Variants in ITFG2 observed in about 807,000 individuals in gnomAD.
The protein encoded by ITFG2 is KICSTOR complex protein ITFG2.
Under a neutral mutation model 54.4 loss-of-function variants are expected in ITFG2, and 36 were observed. The ratio of observed to expected loss-of-function variants is 0.66; its 90% CI spans 0.51 to 0.87. ITFG2 has a LOEUF of 0.87. ITFG2 is among the 40% of genes least tolerant of loss of function. The pLI, the probability that ITFG2 is intolerant of heterozygous loss-of-function variation, is 0.00. For missense variants in ITFG2, 524 were observed against 576.7 expected (o/e 0.91, Z 0.94); for synonymous variants, 211 against 225.4 (o/e 0.94, Z 0.57).
chr12:2,855,212 G>A lies in ITFG2; in HGVS notation n.301-2800G>A, dbSNP rs548776861. The A allele has an allele frequency of 1.0e-4, 154 of 1,505,572 alleles. 2 individuals carry two copies. The South Asian group carries it at 1.6e-3, about 15-fold the overall frequency. The allele number at this position is 1,505,572 out of a possible 1,614,324, so 93.3% of individuals were successfully genotyped here. A position where few individuals can be genotyped will look rare whatever the true frequency, so the allele number is the denominator to read the frequency against. ...TGGGTGGGGAAGGTGGCAGGCAGAC[G>A]GCACACATCGAGCCACGTGTGAAAG... On this transcript the variant is annotated intron_variant and non_coding_transcript_variant, in intron 2 of 3. Transcript: ENST00000537710.
At chr12:2,844,726 C>T (rs540321834) in intron 2 of ITFG2, among the ~76,000 whole-genome samples, 2 of 152,210 alleles carry the variant, frequency 1.3e-5, no homozygotes, top group Non-Finnish European at 2.9e-5. Context: ...CTTGCCTAAG[C>T]TGTGGGCCTG....
In ITFG2 at chr12:2,820,104, A is replaced by G. The variant is rs778087371; in HGVS notation, c.425A>G (p.Glu142Gly). ...CCCACAGATGGAGATGGGTGTCGTG[A>G]GCTGGTGGTGGGCTACACAGACCGT... is the stretch of plus-strand genomic sequence containing the variant. ...ISDIDGDGCR[E>G]LVVGYTDRVV... is the part of the protein sequence containing the mutation. The change falls in exon 5 of 12, where the codon GAG becomes GGG. Residue 142 changes from glutamate to glycine, a missense_variant. Physicochemically the swap from Glu to Gly is moderately conservative, Grantham distance 98 (BLOSUM62 -2). Coordinates refer to ENST00000228799, the MANE Select transcript of ITFG2 (RefSeq NM_018463.4). 17 of 1,611,428 alleles carry G rather than the reference A, an allele frequency of 1.1e-5. No individual in the cohort carries two copies. In the Admixed American group the frequency reaches 2.9e-4, roughly 27 times the overall value.
intron 2 of ITFG2, chr12:2,849,018 T>C (rs1456764535): frequency 5.1e-6 from 3 of 587,144 alleles, no homozygotes; most frequent in East Asian, 6.1e-5. Flanking sequence ...ATGAGAGTCC[T>C]CCAAGGAAGA....
upstream of ITFG2, among the ~76,000 whole-genome samples, chr12:2,832,223 C>A (rs16929995): frequency 0.18 from 26,962 of 151,928 alleles, 2,689 homozygotes; most frequent in South Asian, 0.34. Context: ...CTAACCATGT[C>A]TTCTCTTATT....
chr12:2,842,250 T>C (rs1236316556), intron 2 of ITFG2, among the ~76,000 whole-genome samples: 1 of 150,230 alleles, frequency 6.7e-6, no homozygotes, highest in East Asian at 2.0e-4. Flanking sequence ...GCCTCCCAAG[T>C]AGCTGGGACT....
At chr12:2,858,098 T>C (rs1336460783) in exon 3 of ITFG2, 1 of 152,854 alleles carries the variant, frequency 6.5e-6, no homozygotes, top group African/African-American at 2.4e-5. Context: ...GTCCCTGCAG[T>C]GAAGAACCCA....
At chr12:2,835,953 C>A (rs1283926085), upstream of ITFG2, among the ~76,000 whole-genome samples, 1 of 152,194 alleles carries the variant, frequency 6.6e-6, no homozygotes, top group Non-Finnish European at 1.5e-5. Context: ...ATACGGTATG[C>A]CCAGCTCTAG....
chr12:2,854,982 C>T (rs774214996), intron 2 of ITFG2: 26 of 1,536,130 alleles, frequency 1.7e-5, no homozygotes, highest in Non-Finnish European at 2.2e-5. Flanking sequence ...GCTTCTCCAC[C>T]TCCTTCAACT....
upstream of ITFG2, chr12:2,834,924 G>A (rs1395974975): frequency 6.2e-7 from 1 of 1,612,352 alleles, no homozygotes; most frequent in East Asian, 2.2e-5. Context: ...GTCCCGTGCT[G>A]CAGCTCTCTT....
chr12:2,854,734 G>A (rs933325493), intron 2 of ITFG2, among the ~76,000 whole-genome samples: 13 of 152,076 alleles, frequency 8.5e-5, no homozygotes, highest in African/African-American at 2.9e-4. Context: ...TTCCTCCCTT[G>A]TCTCCACCTC....
At chr12:2,814,842 CA>C (rs889708936) in intron 1 of ITFG2, among the ~76,000 whole-genome samples, 1 of 149,956 alleles carries the variant, frequency 6.7e-6, no homozygotes, top group African/African-American at 2.5e-5. Context: ...AAACAAACAA[CA>C]AAAAAACAGA....
downstream of ITFG2, chr12:2,828,067 GTTATGGC>G (rs2097978161): frequency 6.2e-7 from 1 of 1,601,224 alleles, no homozygotes; most frequent in South Asian, 1.1e-5. Context: ...GGAAGCAAGG[GTTATGGC>G]TACCACAGCC....
intron 2 of ITFG2, among the ~76,000 whole-genome samples, chr12:2,849,769 C>T (rs1356908557): frequency 6.6e-6 from 1 of 152,178 alleles, no homozygotes; most frequent in African/African-American, 2.4e-5. Context: ...AGCCTTCCAT[C>T]CTTTTGACAT....
intron 2 of ITFG2, chr12:2,830,149 T>C (rs1240488579): frequency 1.3e-5 from 2 of 152,242 alleles, no homozygotes; most frequent in East Asian, 3.9e-4. Flanking sequence ...GAAAGGCTGT[T>C]TCCTACTGGG....
chr12:2,820,719 T>C lies in ITFG2; in HGVS notation c.547-5T>C, dbSNP rs1197991662. On this transcript the variant is annotated splice_polypyrimidine_tract_variant and splice_region_variant and intron_variant, in intron 5 of 11. Coordinates refer to ENST00000228799, the MANE Select transcript of ITFG2 (RefSeq NM_018463.4). ...GTCTCCCTTTAATCCCATTCCCTGG[T>C]GCAGGTGGACAGCCTCTCAGTGACT... 9 of 1,542,654 alleles carry C rather than the reference T, an allele frequency of 5.8e-6. No homozygotes were observed. Among genetic ancestry groups the C allele is most frequent in the Non-Finnish European group, 7.0e-6 (8 of 1,135,070 alleles).
rs372852070 is a variant in ITFG2, at chr12:2,822,921, G to A, written c.1066+10G>A. 7 of 1,595,284 alleles carry A rather than the reference G, an allele frequency of 4.4e-6. No homozygotes were observed. The highest frequency in any genetic ancestry group is 6.0e-6 in the Non-Finnish European group (7 of 1,163,056). On this transcript the variant is annotated intron_variant, in intron 10 of 11. Coordinates refer to ENST00000228799, the MANE Select transcript of ITFG2 (RefSeq NM_018463.4). The stretch of plus-strand genomic sequence containing the variant: ...CGTGCCTTCTGTGCAGGTGACCCCC[G>A]CCCCCATGGCCCCTTTCTAACCACA...
chr12:2,859,029 C>G (rs1264546189), intron 3 of ITFG2: 2 of 1,610,640 alleles, frequency 1.2e-6, no homozygotes, highest in Non-Finnish European at 1.7e-6. Flanking sequence ...GAAATCCAGT[C>G]CCCCTACTTT....
rs556861533 is a variant in ITFG2 at position 2,859,277 on chromosome 12, C to G, written n.621-257C>G. ...GCTCCGGCTCATCCACACAGGGAGG[C>G]AGTAGATGCTGTTTTCTCCGAGACC... On this transcript the variant is annotated intron_variant and non_coding_transcript_variant, in intron 3 of 3. Coordinates refer to the ITFG2 transcript ENST00000537710. 363 of 1,613,664 alleles carry G rather than the reference C, an allele frequency of 2.2e-4. 4 individuals carry two copies. In the South Asian group the frequency reaches 3.7e-3, roughly 16 times the overall value.
downstream of ITFG2, chr12:2,827,374 C>T (rs2097973367): frequency 3.2e-6 from 5 of 1,542,694 alleles, no homozygotes. This position sits in a 1 kb window ranked among gnomAD's most constrained non-coding sequence, Gnocchi z 4.0. Context: ...TTTTGTTCCC[C>T]CTCCCACTTC....
Sources: gnomAD v4.1 joint callset for allele counts (sites outside exome capture counted in the v4.1 genomes callset) on GRCh38, gnomAD v4.1.1 for gene constraint, Gnocchi (gnomAD v3.1) non-coding constraint, MANE v1.5 for transcripts, NCBI Gene and HGNC (gene_info 2026-07-23, HGNC 2026-07-21) for gene names.